PPP6C: variants seen among roughly 807,000 people sequenced by gnomAD.
PPP6C encodes protein phosphatase 6 catalytic subunit.
A neutral mutation model predicts 39.8 loss-of-function variants in PPP6C; 11 were observed. The observed-to-expected ratio is 0.28, with a 90% CI of 0.17 to 0.46. PPP6C has a LOEUF of 0.46. PPP6C is among the 20% of genes least tolerant of loss of function. The pLI is 1.00. For missense variants in PPP6C, 211 were observed against 373.9 expected (o/e 0.56, Z 3.59); for synonymous variants, 129 against 130.3 (o/e 0.99, Z 0.07).
chr9:125,169,934 T>C (rs1007666257), intron 2 of PPP6C, among the ~76,000 whole-genome samples: 1 of 152,172 alleles, frequency 6.6e-6, no homozygotes, highest in Non-Finnish European at 1.5e-5. Flanking sequence ...AACAAGACTT[T>C]ACTCATGGAG....
chr9:125,172,146 T>TG (rs1353016316), intron 1 of PPP6C: 1 of 340,938 alleles, frequency 2.9e-6, no homozygotes, highest in Non-Finnish European at 5.7e-6. Flanking sequence ...TTATGTTGAG[T>TG]GAAAAAAATG....
At chr9:125,151,084 G>C in intron 6 of PPP6C, 27 of 1,326,526 alleles carry the variant, frequency 2.0e-5, no homozygotes, top group Non-Finnish European at 2.9e-5. Context: ...TCTGTATGCA[G>C]AGCCAGGTGT....
At chr9:125,155,573 A>AT (rs1248770806) in intron 4 of PPP6C, among the ~76,000 whole-genome samples, 1 of 152,202 alleles carries the variant, frequency 6.6e-6, no homozygotes, top group Non-Finnish European at 1.5e-5. Flanking sequence ...GAAAATCAAT[A>AT]TAAGTCCTAT....
chr9:125,171,478 C>CACATATATATAT (rs1171157245), intron 1 of PPP6C, among the ~76,000 whole-genome samples: 42 of 83,472 alleles, frequency 5.0e-4, no homozygotes, highest in East Asian at 9.4e-4. Context: ...CACACACACA[C>CACATATATATAT]ATATATATAT....
In PPP6C at chr9:125,162,457, C is replaced by CAA. The variant is rs977223135; in HGVS notation, c.172-1553_172-1552dup. 1.9e-3 allele frequency among the ~76,000 whole-genome samples: 132 copies of CAA among 70,952 alleles called. 2 individuals carry two copies. Among genetic ancestry groups the CAA allele is most frequent in the Admixed American group, 6.4e-3 (36 of 5,666 alleles). The allele number at this position is 70,952 out of a possible 152,430, so 46.5% of individuals were successfully genotyped here. On this transcript the variant is annotated intron_variant, in intron 2 of 6. Coordinates refer to ENST00000373547, the MANE Select transcript of PPP6C (RefSeq NM_002721.5). ...TGGGCAACAGAGCAAGATTCTGTCT[C>CAA]AAAAAAAAAAAAAAAAAAAAAAAAA... is the stretch of plus-strand genomic sequence containing the variant.
intron 2 of PPP6C, among the ~76,000 whole-genome samples, chr9:125,167,379 C>CAAAAAAAAAAAA (rs758123351): frequency 2.9e-4 from 16 of 56,096 alleles, no homozygotes; most frequent in African/African-American, 6.1e-4. Flanking sequence ...AGACCCTGTC[C>CAAAAAAAAAAAA]AAAAAAAAAA....
Position 125,160,924 on chromosome 9 carries a change from T to C in PPP6C, c.172-18A>G, listed in dbSNP as rs759794311. ...TCATAAAACTATAAAAGAAATGCAA[T>C]ACATGCTGATTACAAATTCCTGTTA... On this transcript the variant is annotated intron_variant, in intron 2 of 6. Coordinates refer to ENST00000373547, the MANE Select transcript of PPP6C (RefSeq NM_002721.5). 4 of 1,534,830 alleles carry C rather than the reference T, an allele frequency of 2.6e-6. No individual in the cohort carries two copies. The highest frequency in any genetic ancestry group is 3.5e-6 in the Non-Finnish European group (4 of 1,140,134).
At chr9:125,167,828 ATGGGGG>A (rs1387836904) in intron 2 of PPP6C, among the ~76,000 whole-genome samples, 1 of 1,240 alleles carries the variant, frequency 8.1e-4, no homozygotes, top group Non-Finnish European at 1.7e-3. Context: ...GGAGTTTGAG[ATGGGGG>A]GGGGGGGGGG....
At chr9:125,186,938 CT>C (rs1168730026) in intron 1 of PPP6C, among the ~76,000 whole-genome samples, 99 of 83,664 alleles carry the variant, frequency 1.2e-3, no homozygotes, top group South Asian at 1.8e-3. Context: ...ATTTTTCTTT[CT>C]TTTTTTTTTT....
chr9:125,169,883 T>C (rs887988084), intron 2 of PPP6C, among the ~76,000 whole-genome samples: 1 of 152,000 alleles, frequency 6.6e-6, no homozygotes, highest in Non-Finnish European at 1.5e-5. Context: ...GAAAACACCT[T>C]GAAAAACCAA....
At position 125,148,899 on chromosome 9, in the gene PPP6C, A is replaced by G. The variant is rs1388523958; in HGVS notation, c.*774T>C. The G allele has an allele frequency of 6.6e-6, 1 of 152,216 alleles. No individual in the cohort carries two copies. Among genetic ancestry groups the G allele is most frequent in the Non-Finnish European group, 1.5e-5 (1 of 68,022 alleles). 9.4% of individuals were successfully genotyped at this position (152,216 alleles called of 1,614,324 possible). On this transcript the variant is annotated 3_prime_UTR_variant, in exon 7 of 7. Transcript: ENST00000373547. ...AATTTCAATTGAAGTTTTAAACTCA[A>G]TAACCAAAGGGTCAAGAACTCTGAT...
Position 125,148,234 on chromosome 9 carries a change from C to T in PPP6C, c.*1439G>A, listed in dbSNP as rs1236171480. On this transcript the variant is annotated 3_prime_UTR_variant, in exon 7 of 7. Coordinates refer to ENST00000373547, the MANE Select transcript of PPP6C (RefSeq NM_002721.5). ...GGGGAAAAGTGGGTTTTCAAAACTACCTGAACAGATGCTAAAGTGCTTTAT... is the reference window on the plus strand; with the variant it reads ...GGGGAAAAGTGGGTTTTCAAAACTATCTGAACAGATGCTAAAGTGCTTTAT... The T allele has an allele frequency of 6.5e-6, 1 of 153,290 alleles. No individual in the cohort carries two copies. The highest frequency in any genetic ancestry group is 6.5e-5 in the Admixed American group (1 of 15,360). The allele number at this position is 153,290 out of a possible 1,614,324, so 9.5% of individuals were successfully genotyped here. A position where few individuals can be genotyped will look rare whatever the true frequency, so the allele number is the denominator to read the frequency against.
At chr9:125,164,110 T>C (rs1828957289) in intron 2 of PPP6C, among the ~76,000 whole-genome samples, 1 of 152,004 alleles carries the variant, frequency 6.6e-6, no homozygotes, top group Admixed American at 6.6e-5. Flanking sequence ...ATGCTAGGAT[T>C]ACAGGCATGA....
intron 2 of PPP6C, among the ~76,000 whole-genome samples, chr9:125,162,986 G>A (rs1828920571): frequency 6.6e-6 from 1 of 152,038 alleles, no homozygotes; most frequent in South Asian, 2.1e-4. Flanking sequence ...GGCTGAGGCA[G>A]GAGAATCACT....
intron 1 of PPP6C, among the ~76,000 whole-genome samples, chr9:125,181,755 G>A (rs141293249): frequency 0.015 from 2,302 of 152,272 alleles, 108 homozygotes; most frequent in Admixed American, 0.082. Flanking sequence ...TAGTGCTGCA[G>A]TAAACATGCA....
Position 125,153,972 on chromosome 9 carries a change from G to A in PPP6C, c.393C>T (p.Thr131=). Residue 131 remains threonine, a synonymous_variant, in exon 5 of 7, where the codon ACC becomes ACT. Coordinates refer to ENST00000373547, the MANE Select transcript of PPP6C (RefSeq NM_002721.5). ...TCCAGGCATTAGCATTTCCATATTT[G>A]GTTTGGCACTCATCTGTGAAAGAAA... ...QVYGFYDECQ[T]KYGNANAWRY... The A allele has an allele frequency of 6.2e-7, 1 of 1,608,574 alleles. No homozygotes were observed. The highest frequency in any genetic ancestry group is 8.5e-7 in the Non-Finnish European group (1 of 1,175,210).
chr9:125,184,325 T>A (rs748205761), intron 1 of PPP6C, among the ~76,000 whole-genome samples: 2 of 151,922 alleles, frequency 1.3e-5, no homozygotes, highest in East Asian at 1.9e-4. Context: ...GAGGCAGAGG[T>A]TGCAGTGAGC....
chr9:125,161,802 T>C (rs1294854898), intron 2 of PPP6C, among the ~76,000 whole-genome samples: 1 of 152,180 alleles, frequency 6.6e-6, no homozygotes, highest in South Asian at 2.1e-4. Context: ...CAAATTTCAG[T>C]CCACTAGATT....
Position 125,149,541 on chromosome 9 carries a change from TTA to T in PPP6C, c.*130_*131del. 1 of 1,115,132 alleles carries T rather than the reference TTA, an allele frequency of 9.0e-7. No homozygotes were observed. The highest frequency in any genetic ancestry group is 1.6e-5 in the African/African-American group (1 of 61,780). The allele number at this position is 1,115,132 out of a possible 1,614,324, so 69.1% of individuals were successfully genotyped here. A position where few individuals can be genotyped will look rare whatever the true frequency, so the allele number is the denominator to read the frequency against. On this transcript the variant is annotated 3_prime_UTR_variant, in exon 7 of 7. Coordinates refer to ENST00000373547, the MANE Select transcript of PPP6C (RefSeq NM_002721.5). Reference sequence around the variant, plus strand: ...ACAATAAATTTAGATAATTTAAAATTTAAAAAAAAAAAGGCAAGAGGCAGCAT... The same window carrying T: ...ACAATAAATTTAGATAATTTAAAATTAAAAAAAAAAGGCAAGAGGCAGCAT...
Sources: allele counts gnomAD v4.1 joint callset (sites outside exome capture counted in the v4.1 genomes callset), GRCh38; gene constraint gnomAD v4.1.1; transcripts MANE v1.5; gene names NCBI Gene and HGNC (gene_info 2026-07-23, HGNC 2026-07-21).